Variants in CELF2 observed in about 807,000 individuals in gnomAD.
The protein encoded by CELF2 is CUGBP Elav-like family member 2.
A neutral mutation model predicts 62.6 loss-of-function variants in CELF2; 8 were observed. The ratio of observed to expected loss-of-function variants is 0.13; its 90% CI spans 0.07 to 0.23. The LOEUF is 0.23. Ranked by LOEUF, CELF2 falls within the 10% of genes least tolerant of loss-of-function variation. The pLI, the probability that CELF2 is intolerant of heterozygous loss-of-function variation, is 1.00. For synonymous variants in CELF2, 258 were observed against 250.0 expected, an observed-to-expected ratio of 1.03 and a Z score of -0.30; for missense variants, 333 against 671.0, an observed-to-expected ratio of 0.50 and a Z score of 5.56.
chr10:11,287,622 C>A (rs1240293308), intron 8 of CELF2, among the ~76,000 whole-genome samples: 2 of 152,166 alleles, frequency 1.3e-5, no homozygotes, highest in Non-Finnish European at 2.9e-5. Context: ...TATTAAGGTG[C>A]AGCCATTTCT....
At chr10:11,025,155 T>A (rs2058940031) in intron 1 of CELF2, among the ~76,000 whole-genome samples, 1 of 152,028 alleles carries the variant, frequency 6.6e-6, no homozygotes, top group South Asian at 2.1e-4. Flanking sequence ...ATTTTGTCAT[T>A]TACTTGAATG....
In CELF2 at chr10:11,211,145, G is replaced by T. The variant is rs1226962492; in HGVS notation, c.272-6280G>T. Among the ~76,000 whole-genome samples, 2 of 152,140 alleles carry T rather than the reference G, an allele frequency of 1.3e-5. No individual in the cohort carries two copies. Among genetic ancestry groups the T allele is most frequent in the Non-Finnish European group, 2.9e-5 (2 of 68,028 alleles). Reference sequence around the variant, plus strand: ...ATTTAAAAATTAGCCTGGTGTAGTGGCACATGCCTGCAGTCCTGGATACTC... The same window carrying T: ...ATTTAAAAATTAGCCTGGTGTAGTGTCACATGCCTGCAGTCCTGGATACTC... On this transcript the variant is annotated intron_variant, in intron 2 of 12. Coordinates refer to ENST00000633077, the MANE Select transcript of CELF2 (RefSeq NM_001326342.2). This position sits in a 1 kb window ranked among gnomAD's most constrained non-coding sequence, Gnocchi z 4.8.
intron 1 of CELF2, among the ~76,000 whole-genome samples, chr10:10,864,385 A>G (rs2060227442): frequency 6.6e-6 from 1 of 152,164 alleles, no homozygotes; most frequent in African/African-American, 2.4e-5. Context: ...GCCACTCTTG[A>G]CTGAGCTCTC....
In CELF2 at chr10:11,128,704, T is replaced by C. The variant is rs187525045; in HGVS notation, c.75-36782T>C. Reference sequence around the variant, plus strand: ...GTCTGTTATTGGTGTATAGGAATGCTTGTGATTTTTGCACATGGATTTTGT... The same window carrying C: ...GTCTGTTATTGGTGTATAGGAATGCCTGTGATTTTTGCACATGGATTTTGT... On this transcript the variant is annotated intron_variant, in intron 1 of 12. Transcript: ENST00000633077. 3.9e-3 allele frequency among the ~76,000 whole-genome samples: 598 copies of C among 152,358 alleles called. 3 individuals carry two copies. The highest frequency in any genetic ancestry group is 0.013 in the African/African-American group (547 of 41,574).
At chr10:11,083,007 A>G (rs2074435847) in intron 1 of CELF2, among the ~76,000 whole-genome samples, 2 of 152,234 alleles carry the variant, frequency 1.3e-5, no homozygotes, top group African/African-American at 4.8e-5. Context: ...TTCCATTCAT[A>G]TAAGAATAGT....
At chr10:11,042,956 T>G (rs1218766104) in intron 1 of CELF2, among the ~76,000 whole-genome samples, 1 of 152,216 alleles carries the variant, frequency 6.6e-6, no homozygotes, top group Admixed American at 6.5e-5. Flanking sequence ...GGTTTGGCTT[T>G]TAGGAATAAT....
intron 2 of CELF2, among the ~76,000 whole-genome samples, chr10:11,183,165 CT>C (rs2073944570): frequency 6.6e-6 from 1 of 152,208 alleles, no homozygotes; most frequent in African/African-American, 2.4e-5. Context: ...TACTGACCTA[CT>C]TTCTGTTGTA....
the CELF2 span, among the ~76,000 whole-genome samples, chr10:10,677,970 G>C: frequency 1.3e-5 from 2 of 152,140 alleles, no homozygotes; most frequent in Non-Finnish European, 2.9e-5. Flanking sequence ...ACTTTTGAAA[G>C]ACAGTCACTT....
intron 1 of CELF2, among the ~76,000 whole-genome samples, chr10:11,112,799 C>T (rs973710302): frequency 6.6e-6 from 1 of 152,240 alleles, no homozygotes; most frequent in East Asian, 1.9e-4. Context: ...ATCTTTGAAA[C>T]GGAACCATGA....
the CELF2 span, among the ~76,000 whole-genome samples, chr10:10,751,247 G>A: frequency 6.6e-6 from 1 of 152,196 alleles, no homozygotes; most frequent in South Asian, 2.1e-4. Context: ...TGAAAAATAA[G>A]TATCTCTGCC....
the CELF2 span, among the ~76,000 whole-genome samples, chr10:10,745,376 G>C: frequency 3.9e-5 from 6 of 152,006 alleles, no homozygotes; most frequent in Non-Finnish European, 8.8e-5. Context: ...CAATTTTCTA[G>C]TCCATGTGAA....
the CELF2 span, among the ~76,000 whole-genome samples, chr10:10,611,737 C>T: frequency 6.6e-6 from 1 of 152,192 alleles, no homozygotes; most frequent in African/African-American, 2.4e-5. Flanking sequence ...AATACTCACA[C>T]ACACCTCTCT....
In CELF2 at chr10:10,993,370, G is replaced by T. The variant is rs1432443494; in HGVS notation, c.89+73371G>T. ...TTGAAGCTACTAGAAAGAGTAAATT[G>T]GGAAACACTTTCAGGGCAGGTGATA... On this transcript the variant is annotated intron_variant, in intron 2 of 13. Coordinates refer to the CELF2 transcript ENST00000636488. This position sits in a 1 kb window ranked among gnomAD's most constrained non-coding sequence, Gnocchi z 5.3. Among the ~76,000 whole-genome samples, 1 of 152,100 alleles carries T rather than the reference G, an allele frequency of 6.6e-6. No homozygotes were observed. Among genetic ancestry groups the T allele is most frequent in the East Asian group, 1.9e-4 (1 of 5,184 alleles).
chr10:10,641,153 T>A, the CELF2 span, among the ~76,000 whole-genome samples: 1 of 152,110 alleles, frequency 6.6e-6, no homozygotes, highest in East Asian at 1.9e-4. Context: ...TCAACAACAA[T>A]AACCATATTT....
chr10:10,578,414 T>G, the CELF2 span, among the ~76,000 whole-genome samples: 1 of 152,292 alleles, frequency 6.6e-6, no homozygotes, highest in East Asian at 1.9e-4. Flanking sequence ...GCTTTTGGTG[T>G]TTTAGACATG....
the CELF2 span, among the ~76,000 whole-genome samples, chr10:10,602,044 C>G: frequency 6.6e-6 from 1 of 152,136 alleles, no homozygotes; most frequent in Non-Finnish European, 1.5e-5. Context: ...CTAGTTCCAT[C>G]CATGTCCCTG....
At chr10:11,208,464 G>A (rs771610862) in intron 2 of CELF2, among the ~76,000 whole-genome samples, 1 of 152,134 alleles carries the variant, frequency 6.6e-6, no homozygotes, top group Non-Finnish European at 1.5e-5. Flanking sequence ...TAATGTGATT[G>A]GACAAAAAGG....
Position 11,246,919 on chromosome 10 carries a change from G to A in CELF2, c.355-2234G>A, listed in dbSNP as rs957897099. ...TCAACCTTAGCATGTCCAGACCTGCGCTCGTCAGCCGCCTCTGAAACTCTT... is the reference window on the plus strand; with the variant it reads ...TCAACCTTAGCATGTCCAGACCTGCACTCGTCAGCCGCCTCTGAAACTCTT... On this transcript the variant is annotated intron_variant, in intron 3 of 12. Coordinates refer to ENST00000633077, the MANE Select transcript of CELF2 (RefSeq NM_001326342.2). The surrounding 1 kb of genome is among the most constrained non-coding windows in gnomAD (Gnocchi z 4.6). Among the ~76,000 whole-genome samples the A allele has an allele frequency of 6.3e-4, 96 of 152,056 alleles. No individual in the cohort carries two copies. Among genetic ancestry groups the A allele is most frequent in the African/African-American group, 2.1e-3 (88 of 41,392 alleles).
the CELF2 span, among the ~76,000 whole-genome samples, chr10:10,686,121 A>G: frequency 6.6e-6 from 1 of 152,082 alleles, no homozygotes. Context: ...ACGTGAGAAG[A>G]TGATTTCGTT....
Sources: allele counts gnomAD v4.1 joint callset (sites outside exome capture counted in the v4.1 genomes callset), GRCh38; gene constraint gnomAD v4.1.1; non-coding constraint Gnocchi (gnomAD v3.1); transcripts MANE v1.5; gene names NCBI Gene and HGNC (gene_info 2026-07-23, HGNC 2026-07-21).